GMDS: variants seen among roughly 807,000 people sequenced by gnomAD.
The protein encoded by GMDS is GDP-mannose 4,6 dehydratase.
Under a neutral mutation model 49.9 loss-of-function variants are expected in GMDS, and 20 were observed. The ratio of observed to expected loss-of-function variants is 0.40; its 90% confidence interval spans 0.28 to 0.58. The LOEUF (loss-of-function observed/expected upper bound fraction) is 0.58, where lower values mean the gene tolerates loss of function less well. Ranked by LOEUF, GMDS falls within the 20% of genes least tolerant of loss-of-function variation. The pLI, the probability that GMDS is intolerant of heterozygous loss-of-function variation, is 0.42. For synonymous variants in GMDS, 177 were observed against 178.6 expected (o/e 0.99, Z 0.07); for missense variants, 362 against 481.4 (o/e 0.75, Z 2.32).
At chr6:1,650,800 G>A (rs987555415) in intron 9 of GMDS, among the ~76,000 whole-genome samples, 1 of 151,952 alleles carries the variant, frequency 6.6e-6, no homozygotes, top group Non-Finnish European at 1.5e-5. Context: ...GGCTGATCTT[G>A]AACTCCTGAC....
chr6:1,652,651 TTATTTATATATAA>T (rs1296150233), intron 9 of GMDS, among the ~76,000 whole-genome samples: 1 of 11,044 alleles, frequency 9.1e-5, no homozygotes, highest in African/African-American at 3.2e-4. Flanking sequence ...ATAATATATA[TTATTTATATATAA>T]TATATATAAT....
intron 3 of GMDS, 57 bp downstream of exon 3, chr6:2,117,412 T>A: frequency 1.0e-6 from 1 of 995,762 alleles, no homozygotes; most frequent in Non-Finnish European, 1.6e-6. Flanking sequence ...TATCTGAACA[T>A]AGGAACATCT....
At chr6:2,166,706 C>T (rs1777687400) in intron 1 of GMDS, among the ~76,000 whole-genome samples, 1 of 152,206 alleles carries the variant, frequency 6.6e-6, no homozygotes, top group Non-Finnish European at 1.5e-5. Context: ...CGCTATCTTA[C>T]TCCAAAAGCA....
At chr6:2,138,490 CTTAATGAACATTTGATATAG>C (rs1776118186) in intron 1 of GMDS, among the ~76,000 whole-genome samples, 1 of 152,144 alleles carries the variant, frequency 6.6e-6, no homozygotes, top group Non-Finnish European at 1.5e-5. Flanking sequence ...AATTTTTAAA[CTTAATGAACATTTGATATAG>C]TTTAGATTTC....
At chr6:1,850,898 C>A (rs1434482633) in intron 7 of GMDS, among the ~76,000 whole-genome samples, 2 of 152,200 alleles carry the variant, frequency 1.3e-5, no homozygotes, top group Non-Finnish European at 2.9e-5. Context: ...GACTTGTGTT[C>A]TTTATGATGC....
At chr6:1,765,442 C>T (rs558799709) in intron 7 of GMDS, among the ~76,000 whole-genome samples, 14 of 152,288 alleles carry the variant, frequency 9.2e-5, no homozygotes, top group Admixed American at 1.3e-4. Flanking sequence ...GATAAGAAGG[C>T]GCTAGGCAAG....
chr6:2,004,427 C>T (rs949068485), intron 4 of GMDS, among the ~76,000 whole-genome samples: 2 of 152,042 alleles, frequency 1.3e-5, no homozygotes, highest in Admixed American at 6.6e-5. Flanking sequence ...TAAAATGTAG[C>T]CATTTTTTGA....
rs191508380 is a variant in GMDS, at chr6:1,766,205, G to C, written c.772-23619C>G. Among the ~76,000 whole-genome samples, 20 of 150,758 alleles carry C rather than the reference G, an allele frequency of 1.3e-4. No homozygotes were observed. In the East Asian group the frequency reaches 3.7e-3, roughly 28 times the overall value. On this transcript the variant is annotated intron_variant, in intron 7 of 10. Coordinates refer to ENST00000380815, the MANE Select transcript of GMDS (RefSeq NM_001500.4). This position sits in a 1 kb window ranked among gnomAD's most constrained non-coding sequence, Gnocchi z 4.5. The stretch of plus-strand genomic sequence containing the variant: ...ATACCTGATGCCATGATTAATTTTT[G>C]TGTGTGGCACAGAAGCAAGGAGAAG...
chr6:2,052,131 G>GAAAAAAAAA (rs576035823), intron 4 of GMDS, among the ~76,000 whole-genome samples: 1 of 99,654 alleles, frequency 1.0e-5, no homozygotes, highest in Non-Finnish European at 2.1e-5. Flanking sequence ...AAAAAAAAAA[G>GAAAAAAAAA]AAAAAAAAAA....
chr6:2,041,366 G>A (rs1769666950), intron 4 of GMDS, among the ~76,000 whole-genome samples: 1 of 152,216 alleles, frequency 6.6e-6, no homozygotes, highest in Non-Finnish European at 1.5e-5. Flanking sequence ...GTCACCTGGA[G>A]AGTGGTGTGT....
chr6:2,089,882 T>C (rs959239885), intron 4 of GMDS, among the ~76,000 whole-genome samples: 1 of 152,178 alleles, frequency 6.6e-6, no homozygotes, highest in African/African-American at 2.4e-5. Context: ...CAAAAGTACT[T>C]TTCCTGTGGA....
At chr6:2,073,637 C>CT (rs1371523882) in intron 4 of GMDS, among the ~76,000 whole-genome samples, 1 of 152,180 alleles carries the variant, frequency 6.6e-6, no homozygotes, top group Non-Finnish European at 1.5e-5. Flanking sequence ...ACCAAACTCT[C>CT]TTTATCTGTT....
At chr6:2,178,457 T>C (rs1232742613) in intron 1 of GMDS, among the ~76,000 whole-genome samples, 2 of 151,912 alleles carry the variant, frequency 1.3e-5, no homozygotes, top group African/African-American at 4.8e-5. Flanking sequence ...TGGGCACTGT[T>C]TGAAGAGAAC....
intron 1 of GMDS, among the ~76,000 whole-genome samples, chr6:2,238,171 G>A (rs189746014): frequency 5.6e-4 from 84 of 151,092 alleles, no homozygotes; most frequent in Non-Finnish European, 1.1e-3. Context: ...AGGATTGCTT[G>A]AGGCCAGGAG....
rs2127372063 is a variant in GMDS, at chr6:1,996,361, T to C, written c.346-35395A>G. ...AGACAGGGGGTGGCTATTCCACTGC[T>C]GTCCTTTCTCTCTGCCCTGCCATTT... On this transcript the variant is annotated intron_variant, in intron 4 of 10. Coordinates refer to ENST00000380815, the MANE Select transcript of GMDS (RefSeq NM_001500.4). Among the ~76,000 whole-genome samples, 2 of 152,320 alleles carry C rather than the reference T, an allele frequency of 1.3e-5. 1 individual carries two copies. The highest frequency in any genetic ancestry group is 1.3e-4 in the Admixed American group (2 of 15,300).
At chr6:1,853,517 C>CAAAAAA (rs34773610) in intron 7 of GMDS, among the ~76,000 whole-genome samples, 5 of 70,388 alleles carry the variant, frequency 7.1e-5, no homozygotes, top group African/African-American at 1.3e-4. Flanking sequence ...GACTCCGTCT[C>CAAAAAA]AAAAAAAAAA....
At position 2,245,595 on chromosome 6, in the gene GMDS, C is replaced by A. The variant is rs1004395525; in HGVS notation, c.-173G>T. 3 of 380,342 alleles carry A rather than the reference C, an allele frequency of 7.9e-6. No homozygotes were observed. Among genetic ancestry groups the A allele is most frequent in the South Asian group, 9.3e-5 (1 of 10,800 alleles). 23.6% of individuals were successfully genotyped at this position (380,342 alleles called of 1,614,324 possible). A position where few individuals can be genotyped will look rare whatever the true frequency, so the allele number is the denominator to read the frequency against. ...AGTCTGACAGGGGCGCACGGGAGGC[C>A]GTGCAGGGAGGGCCGGGGGCGGGCC... On this transcript the variant is annotated 5_prime_UTR_variant, in exon 1 of 11. Coordinates refer to ENST00000380815, the MANE Select transcript of GMDS (RefSeq NM_001500.4).
intron 1 of GMDS, among the ~76,000 whole-genome samples, chr6:2,175,766 TAA>T (rs1778253658): frequency 6.6e-6 from 1 of 152,292 alleles, no homozygotes; most frequent in Non-Finnish European, 1.5e-5. Context: ...CTATTAACAA[TAA>T]GAGTAATTAT....
intron 9 of GMDS, chr6:1,624,803 A>C: frequency 4.2e-6 from 1 of 235,538 alleles, no homozygotes; most frequent in Non-Finnish European, 7.9e-6. Flanking sequence ...TCTTCTCCCC[A>C]AGGCGTCCCT....
Sources: gnomAD v4.1 joint callset for allele counts (sites outside exome capture counted in the v4.1 genomes callset) on GRCh38, gnomAD v4.1.1 for gene constraint, Gnocchi (gnomAD v3.1) non-coding constraint, MANE v1.5 for transcripts, NCBI Gene and HGNC (gene_info 2026-07-23, HGNC 2026-07-21) for gene names.